TENM3: variants seen among roughly 807,000 people sequenced by gnomAD.
TENM3 encodes teneurin-3.
TENM3 carries 63 observed loss-of-function variants against 255.1 expected under a neutral mutation model. That is an observed-to-expected ratio of 0.25 (90% confidence interval 0.20 to 0.30). The LOEUF (loss-of-function observed/expected upper bound fraction) is 0.30, where lower values mean the gene tolerates loss of function less well. TENM3 is among the 10% of genes least tolerant of loss of function. The pLI is 1.00. For synonymous variants in TENM3, 1,306 were observed against 1,322.3 expected, an observed-to-expected ratio of 0.99 and a Z score of 0.27; for missense variants, 2,929 against 3,461.1, an observed-to-expected ratio of 0.85 and a Z score of 3.86.
rs145294494 is a variant in TENM3 at position 182,645,799 on chromosome 4, A to G, written c.989-7972A>G. On this transcript the variant is annotated intron_variant, in intron 5 of 27. Transcript: ENST00000511685. Reference sequence around the variant, plus strand: ...GAGAGAACAACCAAAAAAGAAGCTGAAGTCTTTCGTAACCTAAGCTCAAAA... The same window carrying G: ...GAGAGAACAACCAAAAAAGAAGCTGGAGTCTTTCGTAACCTAAGCTCAAAA... Among the ~76,000 whole-genome samples, 591 of 152,332 alleles carry G rather than the reference A, an allele frequency of 3.9e-3. 4 individuals carry two copies. The highest frequency in any genetic ancestry group is 0.013 in the African/African-American group (550 of 41,574).
chr4:181,821,557 T>C, the TENM3 span: 2 of 152,238 alleles, frequency 1.3e-5, no homozygotes, highest in African/African-American at 4.8e-5. Context: ...TGAACTTACC[T>C]GTTTGTAGCA....
the TENM3 span, among the ~76,000 whole-genome samples, chr4:181,980,859 T>C: frequency 3.5e-4 from 54 of 152,322 alleles, no homozygotes; most frequent in East Asian, 9.4e-3. Context: ...TTTCTTTTTT[T>C]TTATGTTTAA....
At chr4:181,542,639 C>A in the TENM3 span, among the ~76,000 whole-genome samples, 1 of 152,124 alleles carries the variant, frequency 6.6e-6, no homozygotes, top group African/African-American at 2.4e-5. Context: ...TGAAGGATAA[C>A]TTCTAGGTTT....
At chr4:182,718,706 C>G (rs544063069) in intron 13 of TENM3, among the ~76,000 whole-genome samples, 2 of 152,244 alleles carry the variant, frequency 1.3e-5, no homozygotes, top group South Asian at 4.1e-4. Context: ...GACAAGAATA[C>G]CAGTGCTGAA....
chr4:182,511,099 A>G (rs372669957), intron 3 of TENM3, among the ~76,000 whole-genome samples: 3 of 152,314 alleles, frequency 2.0e-5, no homozygotes, highest in East Asian at 3.9e-4. Context: ...AAAGGGACCA[A>G]CGTACAATCC....
intron 1 of TENM3, among the ~76,000 whole-genome samples, chr4:182,216,603 C>T (rs950998494): frequency 1.3e-5 from 2 of 152,192 alleles, no homozygotes; most frequent in African/African-American, 4.8e-5. Context: ...AGGATACAGG[C>T]GTCATAGTCT....
intron 1 of TENM3, among the ~76,000 whole-genome samples, chr4:182,145,418 C>T (rs1349003632): frequency 6.6e-6 from 1 of 152,158 alleles, no homozygotes; most frequent in Non-Finnish European, 1.5e-5. Flanking sequence ...ATTTATGAGC[C>T]TGCAACTGAG....
the TENM3 span, among the ~76,000 whole-genome samples, chr4:181,639,718 G>T: frequency 6.6e-6 from 1 of 152,084 alleles, no homozygotes; most frequent in Non-Finnish European, 1.5e-5. Flanking sequence ...CCAGCCTGGG[G>T]GACAAGAGCA....
At chr4:181,667,055 G>T in the TENM3 span, among the ~76,000 whole-genome samples, 1 of 152,092 alleles carries the variant, frequency 6.6e-6, no homozygotes, top group South Asian at 2.1e-4. Flanking sequence ...ATCTTGTAAT[G>T]TACATTCTTA....
At chr4:182,041,345 A>G in the TENM3 span, among the ~76,000 whole-genome samples, 1 of 152,180 alleles carries the variant, frequency 6.6e-6, no homozygotes, top group Non-Finnish European at 1.5e-5. Flanking sequence ...GTCAGGGCTT[A>G]GGTAAATTCT....
At position 182,594,898 on chromosome 4, in the gene TENM3, A is replaced by G. The variant is rs182422531; in HGVS notation, c.512-6026A>G. 2.6e-3 allele frequency among the ~76,000 whole-genome samples: 394 copies of G among 151,838 alleles called. 1 individual carries two copies. The highest frequency in any genetic ancestry group is 8.7e-3 in the African/African-American group (362 of 41,472). On this transcript the variant is annotated intron_variant, in intron 3 of 27. Transcript: ENST00000511685. ...CCGCGCCCAGCTAATTTTTGTATTC[A>G]GTAGAGGTGGGGTTTCACCATGTTG...
intron 3 of TENM3, among the ~76,000 whole-genome samples, chr4:182,483,515 A>G (rs62337188): frequency 0.061 from 9,241 of 152,248 alleles, 428 homozygotes; most frequent in African/African-American, 0.13. Context: ...GTTTCTAGAA[A>G]TTAGAAATGG....
the TENM3 span, among the ~76,000 whole-genome samples, chr4:181,808,870 T>C: frequency 1.3e-5 from 2 of 152,174 alleles, no homozygotes; most frequent in East Asian, 1.9e-4. Context: ...TACAGGACAA[T>C]ACGTCCCATC....
chr4:182,385,872 A>G (rs1198053966), intron 3 of TENM3, among the ~76,000 whole-genome samples: 2 of 152,150 alleles, frequency 1.3e-5, no homozygotes, highest in Non-Finnish European at 2.9e-5. Context: ...TATTTTTCAT[A>G]TTATTATTAT....
rs78856316 is a variant in TENM3 at position 182,642,710 on chromosome 4, A to G, written c.989-11061A>G. On this transcript the variant is annotated intron_variant, in intron 5 of 27. Coordinates refer to ENST00000511685, the MANE Select transcript of TENM3 (RefSeq NM_001080477.4). Reference sequence around the variant, plus strand: ...CGTTCATAAAGCCTATACTTTTAGAATGTTATCATGTAATACAAAGAGGAA... The same window carrying G: ...CGTTCATAAAGCCTATACTTTTAGAGTGTTATCATGTAATACAAAGAGGAA... 1.1e-4 allele frequency among the ~76,000 whole-genome samples: 17 copies of G among 152,326 alleles called. No individual in the cohort carries two copies. In the East Asian group the frequency reaches 2.7e-3, roughly 24 times the overall value.
chr4:182,748,595 C>G (rs1276149607), intron 19 of TENM3, among the ~76,000 whole-genome samples: 1 of 152,188 alleles, frequency 6.6e-6, no homozygotes, highest in African/African-American at 2.4e-5. Context: ...TCACTGCCAC[C>G]AGTCTGTCAA....
intron 6 of TENM3, among the ~76,000 whole-genome samples, chr4:182,654,521 C>CTG (rs145616135): frequency 0.027 from 4,076 of 150,750 alleles, 129 homozygotes; most frequent in African/African-American, 0.079. Context: ...TATATTATTT[C>CTG]TGTGTGTGTG....
At chr4:182,109,809 G>A in the TENM3 span, among the ~76,000 whole-genome samples, 1 of 152,206 alleles carries the variant, frequency 6.6e-6, no homozygotes, top group East Asian at 1.9e-4. Context: ...AAAATTGCAT[G>A]TGTGGATGAG....
chr4:181,580,874 G>T, the TENM3 span, among the ~76,000 whole-genome samples: 10 of 152,190 alleles, frequency 6.6e-5, no homozygotes, highest in African/African-American at 1.2e-4. Flanking sequence ...GTCAAGAAAT[G>T]AGGAGAGGAG....
Sources: gnomAD v4.1 joint callset for allele counts (sites outside exome capture counted in the v4.1 genomes callset) on GRCh38, gnomAD v4.1.1 for gene constraint, MANE v1.5 for transcripts, NCBI Gene and HGNC (gene_info 2026-07-23, HGNC 2026-07-21) for gene names.